The following MAGI2 variants were observed in gnomAD, a reference collection of about 807,000 sequenced individuals.
MAGI2 encodes the protein membrane associated guanylate kinase, WW and PDZ domain containing 2.
In MAGI2, 35 loss-of-function variants were observed where a neutral mutation model predicts 133.3. That is an observed-to-expected ratio of 0.26 (90% CI 0.20 to 0.35). The LOEUF (loss-of-function observed/expected upper bound fraction) is 0.35, where lower values mean the gene tolerates loss of function less well. Ranked by LOEUF, MAGI2 falls within the 10% of genes least tolerant of loss-of-function variation. MAGI2 has a pLI of 1.00. For missense variants in MAGI2, 1,636 were observed against 1,863.4 expected, an observed-to-expected ratio of 0.88 and a Z score of 2.25; for synonymous variants, 729 against 710.6, an observed-to-expected ratio of 1.03 and a Z score of -0.41.
intron 3 of MAGI2, among the ~76,000 whole-genome samples, chr7:78,523,715 C>T (rs1796707562): frequency 6.6e-6 from 1 of 152,058 alleles, no homozygotes; most frequent in South Asian, 2.1e-4. Context: ...CTTGTGAGAA[C>T]TCACCACTAT....
At chr7:78,185,967 T>C (rs960291707) in intron 12 of MAGI2, among the ~76,000 whole-genome samples, 4 of 152,296 alleles carry the variant, frequency 2.6e-5, no homozygotes, top group African/African-American at 9.6e-5. Context: ...ATTTTCATTA[T>C]AAGAATACTT....
intron 1 of MAGI2, among the ~76,000 whole-genome samples, chr7:79,285,874 G>T (rs1428425864): frequency 6.6e-6 from 1 of 152,042 alleles, no homozygotes; most frequent in Non-Finnish European, 1.5e-5. Context: ...CACAGAATGG[G>T]GCTAAGTTAA....
In MAGI2 at chr7:78,529,667, GGTTTTTTT is replaced by G. The variant is rs1488140378; in HGVS notation, c.539-8030_539-8023del. 3.3e-3 allele frequency among the ~76,000 whole-genome samples: 187 copies of G among 56,318 alleles called. 1 individual carries two copies. Among genetic ancestry groups the G allele is most frequent in the African/African-American group, 0.011 (174 of 15,434 alleles). 36.9% of individuals were successfully genotyped at this position (56,318 alleles called of 152,430 possible). A position where few individuals can be genotyped will look rare whatever the true frequency, so the allele number is the denominator to read the frequency against. ...TTTTCTTTTCCTTGCTAAAGGAGAT[GGTTTTTTT>G]TTTTTTTTTTTTTTTTTTTTTTTTT... On this transcript the variant is annotated intron_variant, in intron 3 of 21. Transcript: ENST00000354212.
intron 2 of MAGI2, among the ~76,000 whole-genome samples, chr7:78,837,412 A>G (rs1304613050): frequency 6.6e-6 from 1 of 152,062 alleles, no homozygotes; most frequent in Non-Finnish European, 1.5e-5. Flanking sequence ...TCTTATGTTA[A>G]TTAGATGTAT....
intron 2 of MAGI2, among the ~76,000 whole-genome samples, chr7:78,656,291 T>A (rs1318040692): frequency 2.0e-5 from 3 of 152,172 alleles, no homozygotes; most frequent in Non-Finnish European, 2.9e-5. Context: ...TCAACCTAAG[T>A]GTCCATCAAC....
intron 2 of MAGI2, among the ~76,000 whole-genome samples, chr7:79,001,323 T>C (rs937458857): frequency 6.6e-6 from 1 of 152,190 alleles, no homozygotes; most frequent in African/African-American, 2.4e-5. Flanking sequence ...TTTTAAATAT[T>C]TCCCAATAAA....
chr7:78,605,698 C>T (rs2150894025), intron 3 of MAGI2, among the ~76,000 whole-genome samples: 1 of 152,140 alleles, frequency 6.6e-6, no homozygotes, highest in Admixed American at 6.5e-5. Context: ...GGAAGGAGGG[C>T]AGAAGGAAAT....
At chr7:78,882,183 C>G (rs1795932649) in intron 2 of MAGI2, among the ~76,000 whole-genome samples, 1 of 136,964 alleles carries the variant, frequency 7.3e-6, no homozygotes. Flanking sequence ...GGTGACATTA[C>G]AACTGCTCCC....
chr7:78,816,448 G>C (rs73369432), intron 2 of MAGI2, among the ~76,000 whole-genome samples: 4,182 of 152,282 alleles, frequency 0.027, 183 homozygotes, highest in African/African-American at 0.096. Flanking sequence ...TCTATTTGAA[G>C]AAGATGCCAT....
At chr7:79,003,993 T>G (rs6466468) in intron 2 of MAGI2, among the ~76,000 whole-genome samples, 1 of 152,116 alleles carries the variant, frequency 6.6e-6, no homozygotes, top group African/African-American at 2.4e-5. Context: ...ACTCTTACAC[T>G]CTGTTGGTAG....
intron 4 of MAGI2, among the ~76,000 whole-genome samples, chr7:78,517,224 A>T (rs1796119868): frequency 7.1e-6 from 1 of 140,396 alleles, no homozygotes; most frequent in Non-Finnish European, 1.7e-5. Context: ...GTTCAAAAAC[A>T]ATCTGTAAGA....
intron 3 of MAGI2, among the ~76,000 whole-genome samples, chr7:78,622,303 G>A (rs1308618775): frequency 1.3e-5 from 2 of 151,964 alleles, no homozygotes; most frequent in African/African-American, 4.8e-5. Flanking sequence ...TTTCTTTGGT[G>A]TATTCACAGA....
At chr7:79,423,256 A>C (rs368856869) in intron 1 of MAGI2, among the ~76,000 whole-genome samples, 1 of 152,092 alleles carries the variant, frequency 6.6e-6, no homozygotes, top group African/African-American at 2.4e-5. Flanking sequence ...TAAACAGATT[A>C]TCATTTTAAT....
intron 2 of MAGI2, among the ~76,000 whole-genome samples, chr7:78,952,081 C>G (rs2151703397): frequency 6.6e-6 from 1 of 152,286 alleles, no homozygotes; most frequent in Non-Finnish European, 1.5e-5. Context: ...TTTCTAAAAT[C>G]TGGCTCCAAA....
intron 9 of MAGI2, among the ~76,000 whole-genome samples, chr7:78,328,548 T>TC (rs1491174605): frequency 3.3e-4 from 17 of 51,476 alleles, no homozygotes; most frequent in South Asian, 1.4e-3. Flanking sequence ...TCTCTCTCTC[T>TC]TACTTTATTC....
At chr7:78,063,653 C>T (rs965772576) in intron 21 of MAGI2, among the ~76,000 whole-genome samples, 18 of 152,090 alleles carry the variant, frequency 1.2e-4, no homozygotes, top group Non-Finnish European at 1.9e-4. Context: ...TGAACCATTT[C>T]GTCTGCTTGG....
chr7:78,644,243 T>C (rs1292971638), intron 2 of MAGI2, among the ~76,000 whole-genome samples: 1 of 152,086 alleles, frequency 6.6e-6, no homozygotes, highest in Non-Finnish European at 1.5e-5. Context: ...TTTCAACACT[T>C]CTCTTTTAAT....
intron 2 of MAGI2, among the ~76,000 whole-genome samples, chr7:78,784,200 T>C (rs62469574): frequency 8.6e-6 from 1 of 116,842 alleles, no homozygotes; most frequent in East Asian, 3.1e-4. Flanking sequence ...TCAAATGTTT[T>C]AGGTTTTTTT....
At chr7:78,725,180 C>T (rs535233124) in intron 2 of MAGI2, among the ~76,000 whole-genome samples, 2 of 152,246 alleles carry the variant, frequency 1.3e-5, no homozygotes, top group East Asian at 3.9e-4. Context: ...CAATTTACGT[C>T]TTTTTTGAAG....
Sources: allele counts gnomAD v4.1 joint callset (sites outside exome capture counted in the v4.1 genomes callset), GRCh38; gene constraint gnomAD v4.1.1; transcripts MANE v1.5; gene names NCBI Gene and HGNC (gene_info 2026-07-23, HGNC 2026-07-21).